The following PNPLA1 variants were observed in gnomAD, a reference collection of about 807,000 sequenced individuals.
PNPLA1 encodes the protein patatin like domain 1, omega-hydroxyceramide transacylase.
A neutral mutation model predicts 51.7 loss-of-function variants in PNPLA1; 36 were observed. The observed-to-expected ratio is 0.70, with a 90% CI of 0.53 to 0.92. The LOEUF is 0.92. Among genes scored for constraint, PNPLA1 ranks in the 40% least tolerant of loss-of-function variants. The probability of loss-of-function intolerance (pLI) is 0.00; values close to 1 mark genes in which losing one functional copy is unlikely to be tolerated. For synonymous variants in PNPLA1, 293 were observed against 280.1 expected (o/e 1.05, Z -0.46); for missense variants, 658 against 682.5 (o/e 0.96, Z 0.40).
chr6:36,300,178 T>TGTGTGAGAGA lies in PNPLA1; in HGVS notation c.776-1682_776-1681insTGTGAGAGAG. ...TCTTATTCTTGTGTGTGTGTGTGTG[T>TGTGTGAGAGA]GAGAGAGAGAGAGAGAGAGAGAGAG... On this transcript the variant is annotated intron_variant, in intron 5 of 8. Transcript: ENST00000636260. Among the ~76,000 whole-genome samples, 91 of 98,136 alleles carry TGTGTGAGAGA rather than the reference T, an allele frequency of 9.3e-4. 1 individual carries two copies. The highest frequency in any genetic ancestry group is 2.7e-3 in the African/African-American group (82 of 30,120). The allele number at this position is 98,136 out of a possible 152,430, so 64.4% of individuals were successfully genotyped here. A position where few individuals can be genotyped will look rare whatever the true frequency, so the allele number is the denominator to read the frequency against.
intron 1 of PNPLA1, among the ~76,000 whole-genome samples, chr6:36,245,877 C>A (rs1582016481): frequency 6.6e-6 from 1 of 152,330 alleles, no homozygotes; most frequent in East Asian, 1.9e-4. Flanking sequence ...TCCCCGCCCC[C>A]CGCCACACTG....
Position 36,294,343 on chromosome 6 carries a change from T to C in PNPLA1, c.658T>C (p.Phe220Leu). 1 of 1,614,208 alleles carries C rather than the reference T, an allele frequency of 6.2e-7. No homozygotes were observed. Among genetic ancestry groups the C allele is most frequent in the Non-Finnish European group, 8.5e-7 (1 of 1,180,038 alleles). Residue 220 changes from phenylalanine (F) to leucine (L), a missense_variant, in exon 4 of 9, where the codon TTC becomes CTC. Physicochemically the swap from Phe to Leu is conservative, Grantham distance 22. Transcript: ENST00000636260. The surrounding 1 kb of genome is among the most constrained non-coding windows in gnomAD (Gnocchi z 4.2). Reference protein sequence around the residue: ...DFRMFNCSFQFSLENIARMTH... With the variant: ...DFRMFNCSFQLSLENIARMTH... ...CCGCATGTTCAACTGCTCCTTCCAG[T>C]TCTCCCTGGAGAACATCGCCAGGAT... is the stretch of plus-strand genomic sequence containing the variant.
chr6:36,247,729 G>T (rs770432116), intron 1 of PNPLA1, among the ~76,000 whole-genome samples: 16 of 152,190 alleles, frequency 1.1e-4, no homozygotes, highest in Admixed American at 2.0e-4. Context: ...TTTGCCCAGA[G>T]AATGCCACCA....
At chr6:36,276,123 T>C (rs1269114429) in intron 1 of PNPLA1, among the ~76,000 whole-genome samples, 1 of 151,798 alleles carries the variant, frequency 6.6e-6, no homozygotes. Context: ...CACGCCCAGC[T>C]AATTTTTGTA....
chr6:36,244,514 T>G (rs939239015), intron 1 of PNPLA1, among the ~76,000 whole-genome samples: 11 of 152,268 alleles, frequency 7.2e-5, no homozygotes, highest in Middle Eastern at 3.4e-3. Context: ...ATCCTCTATT[T>G]GGTGGATGTA....
At chr6:36,272,475 C>G (rs1478449637) in intron 1 of PNPLA1, among the ~76,000 whole-genome samples, 1 of 152,216 alleles carries the variant, frequency 6.6e-6, no homozygotes. Flanking sequence ...GACCCGGGGC[C>G]ATGGCCTGGG....
chr6:36,308,604 G>C (rs1382412283), intron 8 of PNPLA1: 1 of 152,062 alleles, frequency 6.6e-6, no homozygotes. Flanking sequence ...CTATCCCCAA[G>C]TTTCAACAGT....
intron 1 of PNPLA1, among the ~76,000 whole-genome samples, chr6:36,277,647 T>A (rs1179940802): frequency 6.6e-6 from 1 of 152,170 alleles, no homozygotes; most frequent in Non-Finnish European, 1.5e-5. Flanking sequence ...GAGAATTGCT[T>A]AAGGCCAAGA....
At chr6:36,282,793 C>G (rs551227680) in intron 1 of PNPLA1, among the ~76,000 whole-genome samples, 1 of 152,336 alleles carries the variant, frequency 6.6e-6, no homozygotes, top group Non-Finnish European at 1.5e-5. Flanking sequence ...TAAAGCAATT[C>G]TCCTGCCTCA....
intron 2 of PNPLA1, 45 bp downstream of exon 2, chr6:36,291,597 G>GGGGGGGGGGGGGGGGGGGGC: frequency 3.8e-6 from 2 of 532,586 alleles, no homozygotes; most frequent in Non-Finnish European, 6.8e-6. Flanking sequence ...GGGGGCGGGG[G>GGGGGGGGGGGGGGGGGGGGC]AGGGCGGCTC....
upstream of PNPLA1, among the ~76,000 whole-genome samples, chr6:36,265,700 G>A (rs1386567613): frequency 2.0e-5 from 3 of 152,226 alleles, no homozygotes; most frequent in Non-Finnish European, 4.4e-5. Flanking sequence ...AAGACATTGA[G>A]TTATCTGTCA....
At chr6:36,275,278 A>G (rs1393415989) in intron 1 of PNPLA1, among the ~76,000 whole-genome samples, 2 of 152,000 alleles carry the variant, frequency 1.3e-5, no homozygotes, top group African/African-American at 4.8e-5. Context: ...TCAGGGTCTC[A>G]CTATGTTCCC....
At chr6:36,247,604 G>C (rs1357943923) in intron 1 of PNPLA1, among the ~76,000 whole-genome samples, 2 of 152,148 alleles carry the variant, frequency 1.3e-5, no homozygotes, top group African/African-American at 2.4e-5. Flanking sequence ...CTGAGAGCAG[G>C]TTTACCATAG....
intron 1 of PNPLA1, among the ~76,000 whole-genome samples, chr6:36,273,258 TA>T (rs1396172689): frequency 4.3e-5 from 5 of 115,340 alleles, no homozygotes; most frequent in African/African-American, 1.0e-4. Flanking sequence ...AAATAATAAA[TA>T]AATAAATAAA....
chr6:36,265,324 A>G (rs1769738321), upstream of PNPLA1, among the ~76,000 whole-genome samples: 2 of 152,120 alleles, frequency 1.3e-5, no homozygotes, highest in African/African-American at 4.8e-5. Flanking sequence ...CTGGGCAACA[A>G]AAGCGAAACT....
At chr6:36,303,471 G>A (rs574999268) in intron 6 of PNPLA1, among the ~76,000 whole-genome samples, 16 of 152,252 alleles carry the variant, frequency 1.1e-4, no homozygotes, top group Admixed American at 5.2e-4. Context: ...AAGATAAAAC[G>A]TTCTCAATTC....
intron 1 of PNPLA1, among the ~76,000 whole-genome samples, chr6:36,255,213 A>G (rs75072589): frequency 6.6e-6 from 1 of 151,800 alleles, no homozygotes; most frequent in African/African-American, 2.4e-5. Context: ...CTAAAAAAAA[A>G]TACAAAATTG....
Position 36,313,385 on chromosome 6 carries a change from G to T in PNPLA1, c.*1499G>T, listed in dbSNP as rs1174475550. On this transcript the variant is annotated 3_prime_UTR_variant, in exon 9 of 9. Transcript: ENST00000636260. The stretch of plus-strand genomic sequence containing the variant: ...AGCCCCAGCTGCCCACAGGCCTCAG[G>T]TACATTTGCTTACCAAATCCTGAAA... 2.6e-5 allele frequency among the ~76,000 whole-genome samples: 4 copies of T among 152,146 alleles called. No individual in the cohort carries two copies. Among genetic ancestry groups the T allele is most frequent in the Non-Finnish European group, 5.9e-5 (4 of 68,028 alleles).
At chr6:36,247,800 G>A (rs758112966) in intron 1 of PNPLA1, among the ~76,000 whole-genome samples, 1 of 152,106 alleles carries the variant, frequency 6.6e-6, no homozygotes, top group Non-Finnish European at 1.5e-5. Context: ...TTTCATTCTC[G>A]AGCCCTAATC....
Sources: gnomAD v4.1 joint callset for allele counts (sites outside exome capture counted in the v4.1 genomes callset) on GRCh38, gnomAD v4.1.1 for gene constraint, Gnocchi (gnomAD v3.1) non-coding constraint, MANE v1.5 for transcripts, NCBI Gene and HGNC (gene_info 2026-07-23, HGNC 2026-07-21) for gene names.